The following SAMD12 variants were observed in gnomAD, a reference collection of about 807,000 sequenced individuals.
SAMD12 encodes the protein sterile alpha motif domain-containing protein 12.
In SAMD12, 9 loss-of-function variants were observed where a neutral mutation model predicts 15.0. The ratio of observed to expected loss-of-function variants is 0.60; its 90% CI spans 0.36 to 1.05. The LOEUF (loss-of-function observed/expected upper bound fraction) is 1.05. SAMD12 is among the 50% of genes least tolerant of loss of function. The probability of loss-of-function intolerance (pLI) is 0.01; values close to 1 mark genes in which losing one functional copy is unlikely to be tolerated. For synonymous variants in SAMD12, 86 were observed against 90.1 expected, an observed-to-expected ratio of 0.96 and a Z score of 0.25; for missense variants, 230 against 234.2, an observed-to-expected ratio of 0.98 and a Z score of 0.12.
At chr8:118,604,957 T>C (rs1827951024) in intron 1 of SAMD12, among the ~76,000 whole-genome samples, 2 of 151,898 alleles carry the variant, frequency 1.3e-5, no homozygotes, top group South Asian at 4.2e-4. Context: ...ATAAATAAAA[T>C]GTCATGAAAA....
intron 2 of SAMD12, among the ~76,000 whole-genome samples, chr8:118,480,414 T>C (rs1824093067): frequency 6.6e-6 from 1 of 152,204 alleles, no homozygotes. Flanking sequence ...AATATTGTAG[T>C]GTAAGTTGAT....
intron 2 of SAMD12, among the ~76,000 whole-genome samples, chr8:118,485,553 G>T (rs1396905313): frequency 6.6e-6 from 1 of 152,032 alleles, no homozygotes; most frequent in Non-Finnish European, 1.5e-5. Flanking sequence ...TATGACATTT[G>T]TGCTATAGAA....
At chr8:118,402,068 T>A (rs1454444028) in intron 3 of SAMD12, among the ~76,000 whole-genome samples, 2 of 152,200 alleles carry the variant, frequency 1.3e-5, no homozygotes, top group Non-Finnish European at 2.9e-5. Context: ...TTTCCAAGGT[T>A]TTATTCTAAA....
At chr8:118,542,384 T>G (rs1392405700) in intron 2 of SAMD12, among the ~76,000 whole-genome samples, 1 of 152,252 alleles carries the variant, frequency 6.6e-6, no homozygotes, top group South Asian at 2.1e-4. Flanking sequence ...ATGTCTTAGA[T>G]ATAATTTAAA....
At chr8:118,536,379 TTA>T (rs1825841101) in intron 2 of SAMD12, among the ~76,000 whole-genome samples, 1 of 151,836 alleles carries the variant, frequency 6.6e-6, no homozygotes, top group Admixed American at 6.6e-5. Context: ...ATACCTGGCA[TTA>T]TATTACAATG....
chr8:118,324,283 C>T (rs2130468309), intron 4 of SAMD12, among the ~76,000 whole-genome samples: 1 of 152,256 alleles, frequency 6.6e-6, no homozygotes, highest in Admixed American at 6.5e-5. Context: ...TATTAAAAAG[C>T]ATACCAGGGA....
chr8:118,575,395 C>A (rs1827121321), intron 2 of SAMD12, among the ~76,000 whole-genome samples: 1 of 152,154 alleles, frequency 6.6e-6, no homozygotes, highest in East Asian at 1.9e-4. Context: ...GCATTTTAAC[C>A]TCTTCTTTTG....
chr8:118,416,527 T>C (rs1401677829), intron 3 of SAMD12, among the ~76,000 whole-genome samples: 2 of 152,328 alleles, frequency 1.3e-5, no homozygotes, highest in East Asian at 1.9e-4. Context: ...AATAACACTT[T>C]GCTAGTTGAA....
chr8:118,463,245 G>A (rs951489121), intron 2 of SAMD12, among the ~76,000 whole-genome samples: 4 of 152,130 alleles, frequency 2.6e-5, no homozygotes, highest in African/African-American at 9.7e-5. Flanking sequence ...TGAACTCGTT[G>A]GGGTGGGGCT....
At chr8:118,606,237 C>T (rs1344785682) in intron 1 of SAMD12, among the ~76,000 whole-genome samples, 1 of 152,022 alleles carries the variant, frequency 6.6e-6, no homozygotes, top group Non-Finnish European at 1.5e-5. Flanking sequence ...ATTTGCAAAC[C>T]CCTTTAAAGT....
At chr8:118,236,115 G>A (rs553926756) in intron 4 of SAMD12, among the ~76,000 whole-genome samples, 2 of 152,290 alleles carry the variant, frequency 1.3e-5, no homozygotes, top group African/African-American at 2.4e-5. Context: ...GCAGTTATGA[G>A]TAGCTCTGGC....
intron 4 of SAMD12, among the ~76,000 whole-genome samples, chr8:118,358,435 C>T (rs1818334748): frequency 6.6e-6 from 1 of 152,158 alleles, no homozygotes; most frequent in Admixed American, 6.5e-5. Flanking sequence ...GTCTCACATG[C>T]CCTCTCACCA....
chr8:118,286,987 C>G (rs1186375639), intron 4 of SAMD12, among the ~76,000 whole-genome samples: 1 of 152,170 alleles, frequency 6.6e-6, no homozygotes, highest in Non-Finnish European at 1.5e-5. Context: ...CTAGCACGTA[C>G]TATTCCTATG....
the SAMD12 span, among the ~76,000 whole-genome samples, chr8:118,170,024 A>G: frequency 9.9e-5 from 15 of 152,188 alleles, no homozygotes; most frequent in Admixed American, 7.2e-4. Context: ...CTCAGACCCT[A>G]TGGGAACACT....
At chr8:118,411,817 A>G (rs768049552) in intron 3 of SAMD12, among the ~76,000 whole-genome samples, 2 of 152,174 alleles carry the variant, frequency 1.3e-5, no homozygotes, top group Non-Finnish European at 2.9e-5. Flanking sequence ...TGTGACAATT[A>G]CTCAGCTATA....
At chr8:118,511,749 T>C (rs1825089926) in intron 2 of SAMD12, among the ~76,000 whole-genome samples, 1 of 152,254 alleles carries the variant, frequency 6.6e-6, no homozygotes, top group Non-Finnish European at 1.5e-5. Flanking sequence ...ATAGATCATT[T>C]AGTGGAAAAT....
the SAMD12 span, among the ~76,000 whole-genome samples, chr8:118,150,067 T>C: frequency 6.6e-6 from 1 of 152,216 alleles, no homozygotes; most frequent in East Asian, 1.9e-4. Context: ...TTTTTTATTG[T>C]TATAACAGAA....
At chr8:118,246,105 G>A (rs750744948) in intron 4 of SAMD12, among the ~76,000 whole-genome samples, 2 of 152,134 alleles carry the variant, frequency 1.3e-5, no homozygotes, top group Non-Finnish European at 2.9e-5. Flanking sequence ...CAAACACTGT[G>A]CTACATGTTG....
At chr8:118,463,168 G>A (rs1823486156) in intron 2 of SAMD12, among the ~76,000 whole-genome samples, 1 of 151,790 alleles carries the variant, frequency 6.6e-6, no homozygotes, top group Non-Finnish European at 1.5e-5. Flanking sequence ...CTCAACTGGT[G>A]TGGGGAATGG....
Sources: gnomAD v4.1 joint callset for allele counts (sites outside exome capture counted in the v4.1 genomes callset) on GRCh38, gnomAD v4.1.1 for gene constraint, MANE v1.5 for transcripts, NCBI Gene and HGNC (gene_info 2026-07-23, HGNC 2026-07-21) for gene names.